Variants in SYT9 observed in about 807,000 individuals in gnomAD.
The protein encoded by SYT9 is synaptotagmin 9.
Under a neutral mutation model 48.4 loss-of-function variants are expected in SYT9, and 22 were observed. The observed-to-expected ratio is 0.45, with a 90% CI of 0.32 to 0.65. The LOEUF is 0.65. SYT9 is among the 30% of genes least tolerant of loss of function. SYT9 has a pLI of 0.03. For synonymous variants in SYT9, 265 were observed against 245.0 expected (o/e 1.08, Z -0.76); for missense variants, 577 against 622.0 (o/e 0.93, Z 0.77).
chr11:7,278,472 A>C (rs1848437849), intron 1 of SYT9, among the ~76,000 whole-genome samples: 1 of 152,182 alleles, frequency 6.6e-6, no homozygotes, highest in South Asian at 2.1e-4. Flanking sequence ...CTGAGCCCTA[A>C]GATTCTGCAA....
chr11:7,344,827 A>G (rs1237945839), intron 3 of SYT9, among the ~76,000 whole-genome samples: 1 of 152,146 alleles, frequency 6.6e-6, no homozygotes, highest in African/African-American at 2.4e-5. Flanking sequence ...TCTTGAAATC[A>G]AATAGTGTAA....
chr11:7,348,688 CTT>C (rs34752256), intron 3 of SYT9, among the ~76,000 whole-genome samples: 48 of 47,100 alleles, frequency 1.0e-3, no homozygotes, highest in African/African-American at 2.8e-3. Context: ...ATCAGACCTC[CTT>C]TTTTTTTTTT....
intron 6 of SYT9, chr11:7,441,514 T>C (rs965486674): frequency 6.6e-6 from 1 of 152,194 alleles, no homozygotes; most frequent in South Asian, 2.1e-4. Flanking sequence ...GATAGGATTG[T>C]AGATTCCATG....
intron 6 of SYT9, among the ~76,000 whole-genome samples, chr11:7,432,115 C>T (rs1423267907): frequency 6.6e-6 from 1 of 152,210 alleles, no homozygotes; most frequent in Non-Finnish European, 1.5e-5. Flanking sequence ...GTATTCAACC[C>T]TAGCTCACGA....
chr11:7,318,533 C>T (rs1453075202), intron 3 of SYT9, among the ~76,000 whole-genome samples: 5 of 152,182 alleles, frequency 3.3e-5, no homozygotes, highest in African/African-American at 1.2e-4. Flanking sequence ...AGGCTGGTCT[C>T]AAACTCCTAA....
intron 6 of SYT9, among the ~76,000 whole-genome samples, chr11:7,464,909 C>T (rs6578864): frequency 0.8 from 120,372 of 151,336 alleles, 47,954 homozygotes; most frequent in South Asian, 0.83. Flanking sequence ...AGTGAAACCC[C>T]GTCTCTACTA....
At chr11:7,270,429 C>A (rs78144886) in intron 1 of SYT9, among the ~76,000 whole-genome samples, 2,084 of 152,262 alleles carry the variant, frequency 0.014, 51 homozygotes, top group African/African-American at 0.048. Context: ...AAGATCAAAT[C>A]AGTAGCCATT....
At chr11:7,465,159 C>T (rs1001924596) in intron 6 of SYT9, among the ~76,000 whole-genome samples, 3 of 152,078 alleles carry the variant, frequency 2.0e-5, no homozygotes, top group Non-Finnish European at 4.4e-5. Flanking sequence ...GATATTTGAA[C>T]CACAATATTA....
Position 7,420,512 on chromosome 11 carries a change from T to G in SYT9, c.1344T>G (p.Gly448=), listed in dbSNP as rs1847332658. 1 of 1,614,120 alleles carries G rather than the reference T, an allele frequency of 6.2e-7. No individual in the cohort carries two copies. The highest frequency in any genetic ancestry group is 8.5e-7 in the Non-Finnish European group (1 of 1,179,998). The change falls in exon 6 of 7, where the codon GGT becomes GGG. Residue 448 remains glycine, a synonymous_variant. Transcript: ENST00000318881. ...SIAVMDYDRV[G]HNEIIGVCQV... ...TTGTGGGCCATTTTCACAGTGTAGG[T>G]CACAATGAGATCATCGGCGTGTGTC...
At chr11:7,415,294 T>C (rs1847220855) in intron 3 of SYT9, among the ~76,000 whole-genome samples, 1 of 152,110 alleles carries the variant, frequency 6.6e-6, no homozygotes, top group Non-Finnish European at 1.5e-5. Context: ...AGGGTGCCAC[T>C]CTCAGGCTCA....
chr11:7,349,965 G>A (rs1240344521), intron 3 of SYT9, among the ~76,000 whole-genome samples: 3 of 152,148 alleles, frequency 2.0e-5, no homozygotes, highest in Non-Finnish European at 2.9e-5. Flanking sequence ...TTTGAATCCA[G>A]TACACTTCAG....
chr11:7,417,752 C>T (rs1406496903), intron 4 of SYT9, among the ~76,000 whole-genome samples: 1 of 152,132 alleles, frequency 6.6e-6, no homozygotes, highest in African/African-American at 2.4e-5. Context: ...GAGACAGTAT[C>T]CTGTGCTTTT....
intron 1 of SYT9, among the ~76,000 whole-genome samples, chr11:7,263,067 G>A (rs2346804): frequency 0.66 from 100,618 of 152,006 alleles, 33,433 homozygotes; most frequent in East Asian, 0.74. Flanking sequence ...TACATTTCCC[G>A]AAAGTTCAGT....
intron 1 of SYT9, among the ~76,000 whole-genome samples, chr11:7,284,794 A>G (rs1848565895): frequency 6.6e-6 from 1 of 151,876 alleles, no homozygotes; most frequent in African/African-American, 2.4e-5. Context: ...CTCTTCAGGG[A>G]GCCTTCTAGG....
upstream of SYT9, among the ~76,000 whole-genome samples, chr11:7,249,504 A>C (rs1234071980): frequency 6.6e-6 from 1 of 152,226 alleles, no homozygotes; most frequent in African/African-American, 2.4e-5. Flanking sequence ...CCTTGAACAA[A>C]TTGTTTAACC....
At chr11:7,246,988 G>T (rs1439332574), upstream of SYT9, among the ~76,000 whole-genome samples, 2 of 152,212 alleles carry the variant, frequency 1.3e-5, no homozygotes, top group African/African-American at 2.4e-5. Context: ...GCTCAAGGTT[G>T]CAGCCAATTC....
In SYT9 at chr11:7,466,898, T is replaced by A. The variant is rs1848347800; in HGVS notation, c.*98T>A. 6.9e-7 allele frequency: 1 copy of A among 1,444,594 alleles called. No homozygotes were observed. The highest frequency in any genetic ancestry group is 1.9e-5 in the Admixed American group (1 of 53,972). The allele number at this position is 1,444,594 out of a possible 1,614,324, so 89.5% of individuals were successfully genotyped here. ...TTCCATCCAGCAACATCCAGACGAT[T>A]TCAGTGACCAAATGCTCAGCTGTAA... On this transcript the variant is annotated 3_prime_UTR_variant, in exon 7 of 7. Coordinates refer to ENST00000318881, the MANE Select transcript of SYT9 (RefSeq NM_175733.4).
At chr11:7,320,780 G>A (rs1398044103) in intron 3 of SYT9, among the ~76,000 whole-genome samples, 10 of 152,186 alleles carry the variant, frequency 6.6e-5, no homozygotes, top group Admixed American at 6.5e-4. Context: ...ATTATTGAGT[G>A]TAAAAATGAT....
rs576082728 is a variant in SYT9, at chr11:7,322,014, G to A, written c.1044+8073G>A. On this transcript the variant is annotated intron_variant, in intron 3 of 6. Coordinates refer to ENST00000318881, the MANE Select transcript of SYT9 (RefSeq NM_175733.4). ...CCAGTGGGAAATAAGTCCTGCTTGT[G>A]TCCTACCTCCGTATGATTTTAAGGT... 9.9e-5 allele frequency among the ~76,000 whole-genome samples: 15 copies of A among 152,230 alleles called. No homozygotes were observed. The South Asian group carries it at 3.1e-3, about 32-fold the overall frequency.
Sources: allele counts gnomAD v4.1 joint callset (sites outside exome capture counted in the v4.1 genomes callset), GRCh38; gene constraint gnomAD v4.1.1; transcripts MANE v1.5; gene names NCBI Gene and HGNC (gene_info 2026-07-23, HGNC 2026-07-21).